TREH: variants seen among roughly 807,000 people sequenced by gnomAD.
TREH encodes the protein alpha,alpha-trehalose glucohydrolase.
Under a neutral mutation model 80.5 loss-of-function variants are expected in TREH, and 69 were observed. The observed-to-expected ratio is 0.86, with a 90% CI of 0.71 to 1.05. TREH has a LOEUF of 1.05. Among genes scored for constraint, TREH ranks in the 50% least tolerant of loss-of-function variants. TREH has a pLI of 0.00. For missense variants in TREH, 716 were observed against 718.8 expected (o/e 1.00, Z 0.04); for synonymous variants, 309 against 293.5 (o/e 1.05, Z -0.54).
At chr11:118,679,062 G>A (rs1191537903) in intron 1 of TREH, among the ~76,000 whole-genome samples, 12 of 152,220 alleles carry the variant, frequency 7.9e-5, no homozygotes, top group African/African-American at 2.9e-4. Flanking sequence ...CCAGGCTCTG[G>A]CAGCTGCGTC....
At chr11:118,660,024 T>C in intron 10 of TREH, 60 bp from the exon 11 acceptor site, 1 of 1,487,442 alleles carries the variant, frequency 6.7e-7, no homozygotes. Flanking sequence ...CCCAGGCTTT[T>C]TTCGTGGTTC....
chr11:118,657,910 A>C lies in TREH; in HGVS notation c.*379T>G. 4.8e-6 allele frequency: 1 copy of C among 207,110 alleles called. No homozygotes were observed. Among genetic ancestry groups the C allele is most frequent in the East Asian group, 1.2e-4 (1 of 8,694 alleles). The allele number at this position is 207,110 out of a possible 1,614,324, so 12.8% of individuals were successfully genotyped here. ...GCCTCGCCCTTCACGCCTTAACACT[A>C]AGCCCACCTCCCCTGCTCTCCTTCC... On this transcript the variant is annotated 3_prime_UTR_variant, in exon 15 of 15. Coordinates refer to ENST00000264029, the MANE Select transcript of TREH (RefSeq NM_007180.3).
chr11:118,677,989 C>A (rs1555147039), intron 1 of TREH, among the ~76,000 whole-genome samples: 1 of 152,190 alleles, frequency 6.6e-6, no homozygotes, highest in African/African-American at 2.4e-5. Flanking sequence ...ACTGTCAACT[C>A]TCCCTGTAAC....
At chr11:118,663,240 C>A (rs781961697) in intron 2 of TREH, 44 bp from the exon 3 acceptor site, 3 of 1,572,270 alleles carry the variant, frequency 1.9e-6, no homozygotes. Flanking sequence ...GTGTCACAAG[C>A]CACTCCCTAA....
chr11:118,662,642 A>C, intron 4 of TREH: 2 of 518,602 alleles, frequency 3.9e-6, no homozygotes, highest in Non-Finnish European at 3.5e-6. Context: ...AGGGCAGGCT[A>C]GGGTTTCCTG....
chr11:118,659,537 A>AC (rs1278834289), intron 11 of TREH, 56 bp from the exon 12 acceptor site: 3 of 1,468,734 alleles, frequency 2.0e-6, no homozygotes, highest in Non-Finnish European at 2.7e-6. Flanking sequence ...GGGAGCCAGG[A>AC]CAGGACGCTG....
At chr11:118,678,684 G>A (rs1949503998) in intron 1 of TREH, among the ~76,000 whole-genome samples, 1 of 150,758 alleles carries the variant, frequency 6.6e-6, no homozygotes. Context: ...TATTATTATT[G>A]TTCTTGCAGG....
intron 10 of TREH, 45 bp downstream of exon 10, chr11:118,660,494 A>T (rs782509429): frequency 1.3e-6 from 2 of 1,528,034 alleles, no homozygotes. Context: ...AAGCCTGAGC[A>T]GGAAACCAAG....
intron 1 of TREH, among the ~76,000 whole-genome samples, chr11:118,671,737 A>G (rs1949431647): frequency 6.6e-6 from 1 of 152,166 alleles, no homozygotes; most frequent in African/African-American, 2.4e-5. Context: ...AGACTACCTC[A>G]AGGCATTTAA....
intron 1 of TREH, among the ~76,000 whole-genome samples, chr11:118,667,036 C>T (rs1012693754): frequency 1.3e-5 from 2 of 151,680 alleles, no homozygotes; most frequent in African/African-American, 4.8e-5. Context: ...GCATGTGCCA[C>T]CACGCCCGGC....
chr11:118,659,413 A>G lies in TREH; in HGVS notation c.1389T>C (p.Asp463=). The G allele has an allele frequency of 6.2e-7, 1 of 1,606,004 alleles. No homozygotes were observed. Among genetic ancestry groups the G allele is most frequent in the South Asian group, 1.1e-5 (1 of 89,672 alleles). The change falls in exon 12 of 15, where the codon GAT becomes GAC. Residue 463 remains aspartate (D), a synonymous_variant. Transcript: ENST00000264029. ...TSLQKTGQQW[D]FPNAWAPLQD... ...GCAGGGGGGCCCAGGCATTGGGGAA[A>G]TCCCACTGCTGGCCTGTCTTCTGGA...
chr11:118,679,047 T>C (rs1158413591), intron 1 of TREH, among the ~76,000 whole-genome samples: 4 of 152,186 alleles, frequency 2.6e-5, no homozygotes, highest in Non-Finnish European at 5.9e-5. Context: ...CTCTTGGACC[T>C]CAGGCCAGGC....
intron 1 of TREH, among the ~76,000 whole-genome samples, chr11:118,677,918 A>G (rs1555147008): frequency 6.6e-6 from 1 of 152,092 alleles, no homozygotes; most frequent in East Asian, 1.9e-4. Flanking sequence ...TCAGGACAAA[A>G]CCTATTAATT....
intron 1 of TREH, among the ~76,000 whole-genome samples, chr11:118,671,635 A>T (rs1949430571): frequency 6.6e-6 from 1 of 152,188 alleles, no homozygotes; most frequent in South Asian, 2.1e-4. Flanking sequence ...GTTTATTCAA[A>T]GGGATAATAA....
chr11:118,669,978 T>C (rs782620508), intron 1 of TREH, among the ~76,000 whole-genome samples: 4 of 152,004 alleles, frequency 2.6e-5, no homozygotes, highest in Admixed American at 6.6e-5. Context: ...CATAAATATA[T>C]ATACCTACTA....
In TREH at chr11:118,661,074, C is replaced by A; in HGVS notation, c.857+86G>T. 6.3e-7 allele frequency: 1 copy of A among 1,595,338 alleles called. No homozygotes were observed. The highest frequency in any genetic ancestry group is 1.1e-5 in the South Asian group (1 of 88,726). ...CACCATCTGAGAGGCCAGGCTAAGT[C>A]ACTCCTCCTCCTGCCCGGGGCATTG... On this transcript the variant is annotated intron_variant, in intron 8 of 14. Transcript: ENST00000264029. The surrounding 1 kb of genome is among the most constrained non-coding windows in gnomAD (Gnocchi z 4.2).
intron 1 of TREH, among the ~76,000 whole-genome samples, chr11:118,677,753 A>G (rs1449204890): frequency 6.6e-6 from 1 of 152,128 alleles, no homozygotes; most frequent in Non-Finnish European, 1.5e-5. Context: ...AACCATAATC[A>G]TGGTATAACC....
rs1555145410 is a variant in TREH at position 118,663,429 on chromosome 11, A to G, written c.100T>C (p.Cys34Arg). 1.3e-6 allele frequency: 2 copies of G among 1,579,848 alleles called. No homozygotes were observed. Among genetic ancestry groups the G allele is most frequent in the Middle Eastern group, 3.3e-4 (2 of 6,018 alleles). The part of the protein sequence containing the change: ...LPPPCESEIY[C>R]HGELLNQVQM... ...ACTTGGTTTAGGAGCTCCCCGTGGC[A>G]GTAAATCTCACTGCAGAGACAGGGA... Residue 34 changes from cysteine to arginine, a missense_variant, in exon 2 of 15, where the codon TGC becomes CGC. Cys to Arg is a radical substitution (Grantham distance 180). Coordinates refer to ENST00000264029, the MANE Select transcript of TREH (RefSeq NM_007180.3).
chr11:118,660,493 CAGG>C, intron 10 of TREH, 43 bp downstream of exon 10: 1 of 1,526,110 alleles, frequency 6.6e-7, no homozygotes, highest in Non-Finnish European at 8.9e-7. Flanking sequence ...CAAGCCTGAG[CAGG>C]AAACCAAGCT....
Sources: allele counts gnomAD v4.1 joint callset (sites outside exome capture counted in the v4.1 genomes callset), GRCh38; gene constraint gnomAD v4.1.1; non-coding constraint Gnocchi (gnomAD v3.1); transcripts MANE v1.5; gene names NCBI Gene and HGNC (gene_info 2026-07-23, HGNC 2026-07-21).